Variants in FGF13 observed in about 807,000 individuals in gnomAD.
FGF13 encodes the protein fibroblast growth factor homologous factor 2.
A neutral mutation model predicts 19.5 loss-of-function variants in FGF13; 2 were observed. The observed-to-expected ratio is 0.10, with a 90% CI of 0.04 to 0.32. FGF13 has a LOEUF of 0.32. FGF13 is among the 10% of genes least tolerant of loss of function. The pLI, the probability that FGF13 is intolerant of heterozygous loss-of-function variation, is 1.00. For synonymous variants in FGF13, 72 were observed against 76.9 expected, an observed-to-expected ratio of 0.94 and a Z score of 0.33; for missense variants, 113 against 192.7, an observed-to-expected ratio of 0.59 and a Z score of 2.45.
intron 1 of FGF13, among the ~76,000 whole-genome samples, chrX:139,065,917 T>C (rs1389779323): frequency 9.0e-6 from 1 of 111,274 alleles, no homozygotes; most frequent in Non-Finnish European, 1.9e-5. Context: ...CCCACATAAT[T>C]GGAAGTAAAA....
chrX:138,633,655 T>C (rs2089148013), intron 4 of FGF13, among the ~76,000 whole-genome samples: 1 of 111,897 alleles, frequency 8.9e-6, no homozygotes. Flanking sequence ...TAAATAAACA[T>C]AATAGCTTAT....
At chrX:139,106,625 T>C (rs554993782) in intron 1 of FGF13, among the ~76,000 whole-genome samples, 2 of 112,445 alleles carry the variant, frequency 1.8e-5, no homozygotes, top group South Asian at 7.4e-4. Flanking sequence ...GATTTAAATA[T>C]TTTAATGAAT....
chrX:138,735,883 G>A (rs5976192), intron 1 of FGF13, among the ~76,000 whole-genome samples: 1,410 of 111,815 alleles, frequency 0.013, 21 homozygotes, highest in African/African-American at 0.041. Context: ...ATAAGTCTTC[G>A]CTTTATAGAA....
intron 3 of FGF13, among the ~76,000 whole-genome samples, chrX:138,766,074 CTTAA>C (rs775971141): frequency 1.8e-5 from 2 of 112,156 alleles, no homozygotes; most frequent in African/African-American, 6.5e-5. Flanking sequence ...ACATAACTGA[CTTAA>C]TTCTTTCTCA....
intron 1 of FGF13, among the ~76,000 whole-genome samples, chrX:138,950,204 C>G (rs1004113838): frequency 9.0e-6 from 1 of 111,355 alleles, no homozygotes; most frequent in Non-Finnish European, 1.9e-5. Flanking sequence ...CCTCACATAT[C>G]AAACAGATAT....
intron 1 of FGF13, among the ~76,000 whole-genome samples, chrX:138,913,633 G>A (rs2091600805): frequency 1.2e-5 from 1 of 86,451 alleles, no homozygotes; most frequent in Non-Finnish European, 2.3e-5. Flanking sequence ...AGGGAAGGAG[G>A]GATGGAGGAA....
rs772135753 is a variant in FGF13, at chrX:138,726,300, G to A, written c.28+12942C>T. On this transcript the variant is annotated intron_variant, in intron 1 of 4. Transcript: ENST00000305414. Reference sequence around the variant, plus strand: ...GAGGACTATATGGCAGAGTGGTTAAGAGCATGGGCTTTATAACTAGGAAAC... The same window carrying A: ...GAGGACTATATGGCAGAGTGGTTAAAAGCATGGGCTTTATAACTAGGAAAC... 2.7e-5 allele frequency among the ~76,000 whole-genome samples: 3 copies of A among 111,911 alleles called. No homozygotes were observed. The East Asian group carries it at 8.5e-4, about 32-fold the overall frequency.
At chrX:138,663,796 T>C (rs1038623619) in intron 3 of FGF13, among the ~76,000 whole-genome samples, 12 of 110,815 alleles carry the variant, frequency 1.1e-4, no homozygotes, top group African/African-American at 3.9e-4. Flanking sequence ...ATCAGAAAAA[T>C]TATAGGGTTG....
At chrX:138,984,523 G>GGAAGAAGAAGAAGAAGAAGAA (rs1209275314) in intron 1 of FGF13, among the ~76,000 whole-genome samples, 18 of 31,588 alleles carry the variant, frequency 5.7e-4, no homozygotes, top group Admixed American at 3.8e-3. Flanking sequence ...AAGAAGAAGA[G>GGAAGAAGAAGAAGAAGAAGAA]GAAGAAGAAG....
At chrX:138,938,734 A>G (rs1000433120) in intron 1 of FGF13, among the ~76,000 whole-genome samples, 14 of 111,932 alleles carry the variant, frequency 1.3e-4, no homozygotes, top group African/African-American at 4.5e-4. Flanking sequence ...TTTGTTATTC[A>G]ATGATGAATT....
intron 1 of FGF13, among the ~76,000 whole-genome samples, chrX:139,001,014 C>T (rs963800145): frequency 1.2e-4 from 13 of 111,305 alleles, no homozygotes; most frequent in Non-Finnish European, 2.3e-4. Flanking sequence ...AGAACAGAGC[C>T]CTCAGAAATA....
chrX:139,077,355 G>A (rs1406482849), intron 1 of FGF13, among the ~76,000 whole-genome samples: 2 of 111,911 alleles, frequency 1.8e-5, no homozygotes, highest in African/African-American at 6.5e-5. Flanking sequence ...GAGAAGCTTA[G>A]GTTTGTTTGA....
At chrX:138,939,022 T>C (rs2091745748) in intron 1 of FGF13, among the ~76,000 whole-genome samples, 1 of 112,322 alleles carries the variant, frequency 8.9e-6, no homozygotes, top group Non-Finnish European at 1.9e-5. Context: ...GCATTTGCCA[T>C]GTTGAGGTGG....
In FGF13 at chrX:139,148,098, G is replaced by A. The variant is rs1261372596; in HGVS notation, c.-113+55318C>T. ...TCTACAAAGGTAGAAGAGTAGCAGA[G>A]GCCCCTTTCCCAGGAGGATAACCTG... On this transcript the variant is annotated intron_variant, in intron 1 of 2. Coordinates refer to the FGF13 transcript ENST00000421460. Among the ~76,000 whole-genome samples the A allele has an allele frequency of 2.7e-5, 3 of 110,984 alleles. 1 individual carries two copies. The Admixed American group carries it at 2.9e-4, about 11-fold the overall frequency.
upstream of FGF13, chrX:138,714,693 C>T (rs2090085737): frequency 9.0e-6 from 1 of 111,663 alleles, no homozygotes; most frequent in Non-Finnish European, 1.9e-5. Flanking sequence ...GATATGTTCG[C>T]GTTTTCCTAA....
rs746586854 is a variant in FGF13 at position 138,824,375 on chromosome X, A to G, written c.217+33137T>C. ...CTGTGGAAGATGAAAGAAGAAAACA[A>G]TAAGATACATGACTGAATGACTGAT... On this transcript the variant is annotated intron_variant, in intron 3 of 6. Transcript: ENST00000436198. Among the ~76,000 whole-genome samples, 8 of 111,907 alleles carry G rather than the reference A, an allele frequency of 7.1e-5. No individual in the cohort carries two copies. In the South Asian group the frequency reaches 3.0e-3, roughly 43 times the overall value.
At chrX:139,055,933 T>C (rs771631014) in intron 1 of FGF13, among the ~76,000 whole-genome samples, 2 of 112,782 alleles carry the variant, frequency 1.8e-5, no homozygotes, top group Non-Finnish European at 3.7e-5. Flanking sequence ...ACCAAGTTAG[T>C]ATGAGTTTAT....
At chrX:138,902,344 A>G (rs1288089088) in intron 1 of FGF13, among the ~76,000 whole-genome samples, 1 of 112,055 alleles carries the variant, frequency 8.9e-6, no homozygotes, top group African/African-American at 3.2e-5. Context: ...AATGTGGCCT[A>G]TAAGCTTGAA....
intron 3 of FGF13, among the ~76,000 whole-genome samples, chrX:138,676,367 C>G (rs774330091): frequency 1.6e-4 from 18 of 111,207 alleles, no homozygotes; most frequent in Non-Finnish European, 3.4e-4. Context: ...AGGGGCCATT[C>G]AGGGTTCAAA....
Sources: gnomAD v4.1 joint callset for allele counts (sites outside exome capture counted in the v4.1 genomes callset) on GRCh38, gnomAD v4.1.1 for gene constraint, MANE v1.5 for transcripts, NCBI Gene and HGNC (gene_info 2026-07-23, HGNC 2026-07-21) for gene names.